Variants in DPP6 observed in about 807,000 individuals in gnomAD.
DPP6 encodes dipeptidyl peptidase like 6, also known as A-type potassium channel modulatory protein DPP6.
In DPP6, 69 loss-of-function variants were observed where a neutral mutation model predicts 122.6. That is an observed-to-expected ratio of 0.56 (90% CI 0.46 to 0.69). The LOEUF is 0.69. DPP6 is among the 30% of genes least tolerant of loss of function. The pLI is 0.00. For missense variants in DPP6, 928 were observed against 1,116.9 expected, an observed-to-expected ratio of 0.83 and a Z score of 2.41; for synonymous variants, 418 against 433.1, an observed-to-expected ratio of 0.97 and a Z score of 0.43.
Position 154,613,619 on chromosome 7 carries a change from C to CA in DPP6, c.628-24168dup, listed in dbSNP as rs749561005. 2.2e-3 allele frequency among the ~76,000 whole-genome samples: 113 copies of CA among 51,824 alleles called. 11 individuals are homozygous for CA. Among genetic ancestry groups the CA allele is most frequent in the African/African-American group, 0.01 (110 of 10,924 alleles). The allele number at this position is 51,824 out of a possible 152,430, so 34.0% of individuals were successfully genotyped here. ...GGGCAACAAGAGCGAGACTCTGTCTCAAAAAAAAAAAAAAAAAAAAAAAAA... is the reference window on the plus strand; with the variant it reads ...GGGCAACAAGAGCGAGACTCTGTCTCAAAAAAAAAAAAAAAAAAAAAAAAAA... On this transcript the variant is annotated intron_variant, in intron 5 of 25. Transcript: ENST00000377770.
chr7:154,003,571 T>A (rs867613813), intron 1 of DPP6, among the ~76,000 whole-genome samples: 38 of 152,300 alleles, frequency 2.5e-4, no homozygotes, highest in Middle Eastern at 3.4e-3. Context: ...TAAGACAGCA[T>A]CATGTTATGA....
intron 1 of DPP6, among the ~76,000 whole-genome samples, chr7:153,978,222 C>G (rs1796408631): frequency 6.6e-6 from 1 of 152,200 alleles, no homozygotes; most frequent in African/African-American, 2.4e-5. Context: ...TCTGTTGTTT[C>G]CTGACTTTTT....
intron 1 of DPP6, among the ~76,000 whole-genome samples, chr7:154,299,911 G>T (rs1805792613): frequency 6.6e-6 from 1 of 152,202 alleles, no homozygotes; most frequent in Non-Finnish European, 1.5e-5. Flanking sequence ...GGCTTGCACG[G>T]CTACAAACAA....
the DPP6 span, among the ~76,000 whole-genome samples, chr7:153,802,509 C>T: frequency 6.6e-6 from 1 of 152,008 alleles, no homozygotes; most frequent in East Asian, 1.9e-4. Flanking sequence ...AAAATATTGG[C>T]TGATTTCTGA....
chr7:154,570,893 T>A (rs573457364), intron 5 of DPP6, among the ~76,000 whole-genome samples: 1 of 152,298 alleles, frequency 6.6e-6, no homozygotes, highest in Non-Finnish European at 1.5e-5. Context: ...CACCTATAGG[T>A]TATAAGTAGT....
intron 1 of DPP6, among the ~76,000 whole-genome samples, chr7:154,420,630 T>C (rs1209730883): frequency 6.6e-6 from 1 of 152,148 alleles, no homozygotes; most frequent in Admixed American, 6.5e-5. Context: ...GTTTTGGAGA[T>C]CTATTGCACG....
At chr7:154,088,869 A>G (rs1804615050) in intron 1 of DPP6, among the ~76,000 whole-genome samples, 1 of 152,244 alleles carries the variant, frequency 6.6e-6, no homozygotes, top group African/African-American at 2.4e-5. Context: ...ATTAAAATTA[A>G]TGAAAATTTA....
At chr7:154,017,639 G>T (rs1194807558) in intron 1 of DPP6, among the ~76,000 whole-genome samples, 1 of 150,604 alleles carries the variant, frequency 6.6e-6, no homozygotes, top group Non-Finnish European at 1.5e-5. Flanking sequence ...TTTTAAGGTT[G>T]CAGTGAGCTA....
intron 1 of DPP6, among the ~76,000 whole-genome samples, chr7:154,272,391 G>A (rs1040740231): frequency 6.6e-6 from 1 of 152,136 alleles, no homozygotes; most frequent in Non-Finnish European, 1.5e-5. Flanking sequence ...GACTTTATTA[G>A]CATAATTGAA....
chr7:154,778,371 C>G (rs940633656), intron 10 of DPP6, among the ~76,000 whole-genome samples: 1 of 152,058 alleles, frequency 6.6e-6, no homozygotes, highest in African/African-American at 2.4e-5. Context: ...TCTCTGCCTC[C>G]AGGCTTCTCC....
intron 1 of DPP6, among the ~76,000 whole-genome samples, chr7:154,426,628 A>G (rs769491090): frequency 2.0e-5 from 3 of 152,102 alleles, no homozygotes; most frequent in Non-Finnish European, 4.4e-5. Context: ...TATCGGTGAG[A>G]CATAGCCTTA....
At chr7:154,437,742 C>A (rs1042859858) in intron 1 of DPP6, among the ~76,000 whole-genome samples, 1 of 152,124 alleles carries the variant, frequency 6.6e-6, no homozygotes, top group Admixed American at 6.5e-5. Context: ...TCAAGATCAG[C>A]CTGGCCAACA....
At chr7:154,807,572 G>A (rs1374868545) in intron 16 of DPP6, among the ~76,000 whole-genome samples, 1 of 152,206 alleles carries the variant, frequency 6.6e-6, no homozygotes, top group Non-Finnish European at 1.5e-5. Context: ...TGTAATCCCA[G>A]CGCTTTGGGA....
At chr7:154,051,475 G>T (rs1421233785), upstream of DPP6, among the ~76,000 whole-genome samples, 1 of 150,610 alleles carries the variant, frequency 6.6e-6, no homozygotes. Context: ...GCCAGGCCGG[G>T]CCTGGAGCGG....
At chr7:153,922,208 A>T (rs1800671718) in intron 1 of DPP6, among the ~76,000 whole-genome samples, 1 of 152,220 alleles carries the variant, frequency 6.6e-6, no homozygotes, top group African/African-American at 2.4e-5. Flanking sequence ...TTTAAAATAA[A>T]AAGAATAATT....
chr7:154,298,733 G>A (rs1563434048), intron 1 of DPP6, among the ~76,000 whole-genome samples: 2 of 152,164 alleles, frequency 1.3e-5, no homozygotes, highest in African/African-American at 2.4e-5. Context: ...CTGCTGGGAG[G>A]GAAAGCTGTG....
At chr7:153,874,468 C>T in the DPP6 span, among the ~76,000 whole-genome samples, 12 of 152,098 alleles carry the variant, frequency 7.9e-5, no homozygotes, top group Admixed American at 2.0e-4. Flanking sequence ...CTCCACCTGC[C>T]GGGTTCAAGC....
rs549668276 is a variant in DPP6, at chr7:154,177,083, C to A, written c.243+124020C>A. 3.3e-5 allele frequency among the ~76,000 whole-genome samples: 5 copies of A among 152,292 alleles called. No homozygotes were observed. In the South Asian group the frequency reaches 1.0e-3, roughly 32 times the overall value. ...TCCTGGGCTCAAGCGATTCTCCCAA[C>A]TCTCCCTTCCAAAGTGCTGGGTTTA... On this transcript the variant is annotated intron_variant, in intron 1 of 25. Coordinates refer to ENST00000377770, the MANE Select transcript of DPP6 (RefSeq NM_130797.4).
chr7:154,035,792 A>G (rs1338440386), intron 1 of DPP6, among the ~76,000 whole-genome samples: 4 of 152,268 alleles, frequency 2.6e-5, no homozygotes, highest in African/African-American at 9.6e-5. Flanking sequence ...GATCAAGGAC[A>G]TAGTAATGCT....
Sources: gnomAD v4.1 joint callset for allele counts (sites outside exome capture counted in the v4.1 genomes callset) on GRCh38, gnomAD v4.1.1 for gene constraint, MANE v1.5 for transcripts, NCBI Gene and HGNC (gene_info 2026-07-23, HGNC 2026-07-21) for gene names.